Variants in RBFOX1 observed in about 807,000 individuals in gnomAD.
RBFOX1 encodes RNA binding fox-1 homolog 1, also known as RNA binding protein fox-1 homolog 1.
Under a neutral mutation model 57.7 loss-of-function variants are expected in RBFOX1, and 8 were observed. The ratio of observed to expected loss-of-function variants is 0.14; its 90% CI spans 0.08 to 0.25. RBFOX1 has a LOEUF of 0.25. Among genes scored for constraint, RBFOX1 ranks in the 10% least tolerant of loss-of-function variants. The probability of loss-of-function intolerance (pLI) is 1.00; values close to 1 mark genes in which losing one functional copy is unlikely to be tolerated. For synonymous variants in RBFOX1, 326 were observed against 222.4 expected (o/e 1.47, Z -4.15); for missense variants, 611 against 548.5 (o/e 1.11, Z -1.14).
At chr16:5,669,212 A>C (rs571748951) in intron 3 of RBFOX1, among the ~76,000 whole-genome samples, 2 of 151,418 alleles carry the variant, frequency 1.3e-5, no homozygotes, top group African/African-American at 4.8e-5. Flanking sequence ...CATCTGTCCT[A>C]CTCTGTCCTT....
At chr16:7,579,744 G>T in intron 5 of RBFOX1, 33 bp from the exon 6 acceptor site, 1 of 1,613,744 alleles carries the variant, frequency 6.2e-7, no homozygotes, top group Non-Finnish European at 8.5e-7. Context: ...GTGGTCCACT[G>T]AGAACCTCTT....
chr16:6,098,654 G>A (rs529210590), intron 1 of RBFOX1, among the ~76,000 whole-genome samples: 1 of 152,324 alleles, frequency 6.6e-6, no homozygotes, highest in Admixed American at 6.5e-5. Flanking sequence ...CATGCCTTCA[G>A]AGTTTATACA....
intron 4 of RBFOX1, among the ~76,000 whole-genome samples, chr16:7,342,009 C>G (rs994561280): frequency 6.6e-6 from 1 of 152,034 alleles, no homozygotes; most frequent in African/African-American, 2.4e-5. Context: ...GGGAGAATTG[C>G]AGTGAGGAGG....
At chr16:6,229,200 T>C (rs548946331) in intron 1 of RBFOX1, among the ~76,000 whole-genome samples, 5 of 152,154 alleles carry the variant, frequency 3.3e-5, no homozygotes, top group Admixed American at 2.6e-4. Flanking sequence ...TGAAAGGTCA[T>C]TTGTAAAGCT....
In RBFOX1 at chr16:6,010,176, CT is replaced by C. The variant is rs2094953129; in HGVS notation, c.351+142843del. On this transcript the variant is annotated intron_variant, in intron 4 of 19. Transcript: ENST00000641259. The stretch of plus-strand genomic sequence containing the variant: ...TCTGCTAACATGCATGCAGGCTGGA[CT>C]TCCAAATCTCAGCACCTGACAACTC... Among the ~76,000 whole-genome samples the C allele has an allele frequency of 1.2e-4, 18 of 152,262 alleles. No homozygotes were observed. In the South Asian group the frequency reaches 3.7e-3, roughly 32 times the overall value.
intron 2 of RBFOX1, among the ~76,000 whole-genome samples, chr16:6,396,579 C>T (rs930012774): frequency 2.6e-5 from 4 of 152,122 alleles, no homozygotes; most frequent in Admixed American, 2.6e-4. Context: ...AGTGGATACT[C>T]GAGTTGCTAA....
rs182715890 is a variant in RBFOX1 at position 7,276,733 on chromosome 16, C to T, written c.27+224635C>T. ...TTGATCGTGTTGAGGAGTAATTCAC[C>T]TTTGTTCCCACCTACGTTAAGACTG... On this transcript the variant is annotated intron_variant, in intron 4 of 15. Coordinates refer to ENST00000550418, the MANE Select transcript of RBFOX1 (RefSeq NM_018723.4). Among the ~76,000 whole-genome samples the T allele has an allele frequency of 5.9e-5, 9 of 152,264 alleles. No individual in the cohort carries two copies. In the East Asian group the frequency reaches 1.7e-3, roughly 29 times the overall value.
intron 4 of RBFOX1, among the ~76,000 whole-genome samples, chr16:7,087,612 G>C (rs745895330): frequency 6.6e-6 from 1 of 151,916 alleles, no homozygotes; most frequent in Non-Finnish European, 1.5e-5. Flanking sequence ...GAGAGAGAGA[G>C]AGGCAGCCAG....
chr16:7,176,901 T>C (rs1361795812), intron 4 of RBFOX1, among the ~76,000 whole-genome samples: 1 of 152,190 alleles, frequency 6.6e-6, no homozygotes, highest in Non-Finnish European at 1.5e-5. Context: ...ATTTTTTAGA[T>C]ATTTCCCATT....
At chr16:6,002,447 T>C (rs1381973577) in intron 4 of RBFOX1, among the ~76,000 whole-genome samples, 1 of 152,226 alleles carries the variant, frequency 6.6e-6, no homozygotes, top group Non-Finnish European at 1.5e-5. Flanking sequence ...CCACATGGCA[T>C]GCACCTTTGC....
At chr16:5,354,088 T>G (rs2065328860) in intron 1 of RBFOX1, among the ~76,000 whole-genome samples, 1 of 151,990 alleles carries the variant, frequency 6.6e-6, no homozygotes, top group African/African-American at 2.4e-5. Context: ...CACCGGCCCC[T>G]TACCTGTGAG....
At chr16:6,550,636 A>G (rs567464147) in intron 2 of RBFOX1, among the ~76,000 whole-genome samples, 1 of 152,308 alleles carries the variant, frequency 6.6e-6, no homozygotes, top group Admixed American at 6.5e-5. Context: ...TTCATGGCAC[A>G]CTTCTAATTC....
intron 2 of RBFOX1, among the ~76,000 whole-genome samples, chr16:6,488,127 C>A (rs1278849336): frequency 6.6e-6 from 1 of 152,142 alleles, no homozygotes; most frequent in Non-Finnish European, 1.5e-5. Context: ...ACAGAGAAGA[C>A]CCCTAAAGGG....
At chr16:7,218,763 T>C (rs1050914991) in intron 4 of RBFOX1, among the ~76,000 whole-genome samples, 1 of 151,466 alleles carries the variant, frequency 6.6e-6, no homozygotes, top group Non-Finnish European at 1.5e-5. Flanking sequence ...TCAGCAGAGA[T>C]TGCCTTTTAT....
intron 2 of RBFOX1, among the ~76,000 whole-genome samples, chr16:5,479,026 C>T (rs919399169): frequency 1.3e-5 from 2 of 152,176 alleles, no homozygotes; most frequent in Non-Finnish European, 2.9e-5. Context: ...TTAATTTCCT[C>T]ACAAATTATC....
chr16:6,378,301 G>A (rs2091429100), intron 2 of RBFOX1, among the ~76,000 whole-genome samples: 1 of 152,204 alleles, frequency 6.6e-6, no homozygotes, highest in Non-Finnish European at 1.5e-5. Flanking sequence ...CGGAGGCTGG[G>A]GTTTCATGCA....
intron 4 of RBFOX1, among the ~76,000 whole-genome samples, chr16:7,127,342 C>A (rs1224314353): frequency 6.6e-6 from 1 of 152,164 alleles, no homozygotes; most frequent in African/African-American, 2.4e-5. Context: ...AAGTAACAAT[C>A]TCAGGTCTGG....
chr16:5,714,704 C>G (rs78695517), intron 3 of RBFOX1, among the ~76,000 whole-genome samples: 1 of 152,164 alleles, frequency 6.6e-6, no homozygotes, highest in Non-Finnish European at 1.5e-5. Context: ...AAGGAAATAA[C>G]AAAAGCCATA....
chr16:6,159,341 T>C (rs557037899), intron 1 of RBFOX1, among the ~76,000 whole-genome samples: 4 of 152,132 alleles, frequency 2.6e-5, no homozygotes. Flanking sequence ...CCTCCCAAAG[T>C]GCTGGGATTA....
Sources: gnomAD v4.1 joint callset for allele counts (sites outside exome capture counted in the v4.1 genomes callset) on GRCh38, gnomAD v4.1.1 for gene constraint, MANE v1.5 for transcripts, NCBI Gene and HGNC (gene_info 2026-07-23, HGNC 2026-07-21) for gene names.